Variants in NUP188 observed in about 807,000 individuals in gnomAD.
NUP188 encodes nucleoporin NUP188.
A neutral mutation model predicts 223.0 loss-of-function variants in NUP188; 97 were observed. The observed-to-expected ratio is 0.43, with a 90% CI of 0.37 to 0.51. NUP188 has a LOEUF of 0.51. Ranked by LOEUF, NUP188 falls within the 20% of genes least tolerant of loss-of-function variation. The pLI is 0.00. For synonymous variants in NUP188, 869 were observed against 828.0 expected (o/e 1.05, Z -0.85); for missense variants, 1,947 against 2,175.6 (o/e 0.89, Z 2.09).
rs913820833 is a variant in NUP188, at chr9:129,006,424, G to A, written c.5073+56G>A. 1.9e-5 allele frequency: 30 copies of A among 1,612,524 alleles called. No individual in the cohort carries two copies. In the Admixed American group the frequency reaches 5.0e-4, roughly 27 times the overall value. ...ACCAATAGGGCCAGAGCCCTGTGGGGTCCTGCCTGGCAACCCCCAAGGGTC... is the reference window on the plus strand; with the variant it reads ...ACCAATAGGGCCAGAGCCCTGTGGGATCCTGCCTGGCAACCCCCAAGGGTC... On this transcript the variant is annotated intron_variant, in intron 43 of 43. Coordinates refer to ENST00000372577, the MANE Select transcript of NUP188 (RefSeq NM_015354.3).
Position 128,959,148 on chromosome 9 carries a change from G to GTGCT in NUP188, c.585+15_585+18dup, listed in dbSNP as rs1306110512. On this transcript the variant is annotated intron_variant, in intron 8 of 43. Coordinates refer to ENST00000372577, the MANE Select transcript of NUP188 (RefSeq NM_015354.3). Reference sequence around the variant, plus strand: ...GGAAATCTCATGGTATGTGGTTACTGTGCTCTCCTGTAACTTTTTTTTTTT... The same window carrying GTGCT: ...GGAAATCTCATGGTATGTGGTTACTGTGCTTGCTCTCCTGTAACTTTTTTTTTTT... The GTGCT allele has an allele frequency of 1.3e-6, 2 of 1,560,690 alleles. No individual in the cohort carries two copies. Among genetic ancestry groups the GTGCT allele is most frequent in the African/African-American group, 2.8e-5 (2 of 72,144 alleles).
At chr9:128,962,877 GATAAA>G (rs1323348313) in intron 8 of NUP188, among the ~76,000 whole-genome samples, 1 of 152,106 alleles carries the variant, frequency 6.6e-6, no homozygotes, top group African/African-American at 2.4e-5. Context: ...TTTAAATTGT[GATAAA>G]ATAGACATAG....
chr9:128,986,418 A>G (rs1842334149), intron 20 of NUP188, 140 bp from the exon 21 acceptor site: 1 of 829,710 alleles, frequency 1.2e-6, no homozygotes, highest in Non-Finnish European at 1.9e-6. Context: ...AGGACTTTTG[A>G]TGTTTCTTTT....
At chr9:128,964,675 T>G (rs1323310745) in intron 8 of NUP188, among the ~76,000 whole-genome samples, 2 of 151,458 alleles carry the variant, frequency 1.3e-5, no homozygotes, top group Non-Finnish European at 2.9e-5. Flanking sequence ...TCCTAGACTG[T>G]ATCTTTCCAA....
At chr9:128,959,896 A>T (rs1841922955) in intron 8 of NUP188, among the ~76,000 whole-genome samples, 1 of 152,108 alleles carries the variant, frequency 6.6e-6, no homozygotes, top group African/African-American at 2.4e-5. Flanking sequence ...TATTGATGAC[A>T]TTAATTAATA....
In NUP188 at chr9:128,987,628, G is replaced by C; in HGVS notation, c.2304G>C (p.Leu768=). The change falls in exon 23 of 44, where the codon CTG becomes CTC. Residue 768 remains leucine, a synonymous_variant. Transcript: ENST00000372577. ...TGCAGTTTCTCTGCATCTGCAGCCT[G>C]GCATACACAGAAGCAGGACAGACAG... ...PSLQFLCICS[L]AYTEAGQTVI... is the part of the protein sequence containing the mutation. 1.2e-6 allele frequency: 2 copies of C among 1,613,904 alleles called. No homozygotes were observed. Among genetic ancestry groups the C allele is most frequent in the South Asian group, 2.2e-5 (2 of 91,024 alleles).
rs1274421484 is a variant in NUP188 at position 129,006,903 on chromosome 9, A to T, written c.*225A>T. On this transcript the variant is annotated 3_prime_UTR_variant, in exon 44 of 44. Coordinates refer to ENST00000372577, the MANE Select transcript of NUP188 (RefSeq NM_015354.3). ...CCGAGTCTTCTGTGCTCAGGTCCTC[A>T]CGCTGCAGACGCCCCCTAGAGGAAC... 4.6e-6 allele frequency: 2 copies of T among 430,452 alleles called. No homozygotes were observed. The highest frequency in any genetic ancestry group is 8.2e-6 in the Non-Finnish European group (2 of 244,168). The allele number at this position is 430,452 out of a possible 1,614,324, so 26.7% of individuals were successfully genotyped here.
intron 43 of NUP188, 40 bp downstream of exon 43, chr9:129,006,408 G>T: frequency 6.2e-7 from 1 of 1,613,986 alleles, no homozygotes; most frequent in Non-Finnish European, 8.5e-7. Context: ...GACCAATAGG[G>T]CCAGAGCCCT....
Position 128,993,597 on chromosome 9 carries a change from T to C in NUP188, c.2920T>C (p.Tyr974His). The C allele has an allele frequency of 1.2e-6, 2 of 1,614,200 alleles. No homozygotes were observed. The highest frequency in any genetic ancestry group is 8.5e-7 in the Non-Finnish European group (1 of 1,180,022). The change falls in exon 27 of 44, where the codon TAC (tyrosine) becomes CAC (histidine). Residue 974 changes from tyrosine to histidine, a missense_variant. This residue lies in a region of NUP188 where 905 missense variants were observed against 990.6 expected (regional missense o/e 0.91). Transcript: ENST00000372577. ...GATTGATTCCCAACAGCAAGATCGATACTGGTGCCCACCCCTGCTGCATCG... is the reference window on the plus strand; with the variant it reads ...GATTGATTCCCAACAGCAAGATCGACACTGGTGCCCACCCCTGCTGCATCG... Reference protein sequence around the residue: ...ELIDSQQQDRYWCPPLLHRAA... With the variant: ...ELIDSQQQDRHWCPPLLHRAA...
intron 34 of NUP188, 133 bp from the exon 35 acceptor site, chr9:129,001,396 T>C: frequency 1.4e-6 from 1 of 721,292 alleles, no homozygotes; most frequent in Non-Finnish European, 2.4e-6. Context: ...GAGTGTGCAT[T>C]CTGTGTTACT....
intron 12 of NUP188, among the ~76,000 whole-genome samples, chr9:128,977,356 T>C (rs1420044472): frequency 2.0e-5 from 3 of 151,952 alleles, no homozygotes; most frequent in Non-Finnish European, 2.9e-5. Context: ...CCTGACCTTG[T>C]GATCTGCCTG....
intron 1 of NUP188, 118 bp from the exon 2 acceptor site, chr9:128,949,071 A>T (rs1841737608): frequency 5.9e-6 from 4 of 673,856 alleles, no homozygotes; most frequent in Non-Finnish European, 1.0e-5. Flanking sequence ...AAATTTAACA[A>T]ATCGTTTTGT....
chr9:128,997,269 T>A (rs896232707), intron 30 of NUP188, among the ~76,000 whole-genome samples: 4 of 152,102 alleles, frequency 2.6e-5, no homozygotes, highest in African/African-American at 9.7e-5. Context: ...AGGGTTGGAC[T>A]AGAGTGAGCA....
intron 3 of NUP188, among the ~76,000 whole-genome samples, chr9:128,955,693 G>A (rs893970287): frequency 4.0e-5 from 6 of 151,084 alleles, no homozygotes; most frequent in African/African-American, 1.5e-4. Flanking sequence ...GGTTTCTTAA[G>A]CCCTTTTGTA....
Position 128,998,219 on chromosome 9 carries a change from C to T in NUP188, c.3420C>T (p.Thr1140=). ...RQLFLDVLDG[T]KALLLVPASV... Reference sequence around the variant, plus strand: ...TCTTTCTTGACGTGCTTGATGGAACCAAAGCATTAGTAAGTGTGTCTGGGA... The same window carrying T: ...TCTTTCTTGACGTGCTTGATGGAACTAAAGCATTAGTAAGTGTGTCTGGGA... Residue 1140 remains threonine, a synonymous_variant, in exon 31 of 44, where the codon ACC becomes ACT. Transcript: ENST00000372577. 6.2e-7 allele frequency: 1 copy of T among 1,612,634 alleles called. No individual in the cohort carries two copies. The highest frequency in any genetic ancestry group is 1.7e-4 in the Middle Eastern group (1 of 6,054).
At chr9:129,003,200 CT>C (rs757789603) in intron 37 of NUP188, 116 bp from the exon 38 acceptor site, 18 of 1,325,720 alleles carry the variant, frequency 1.4e-5, no homozygotes, top group Non-Finnish European at 1.8e-5. Context: ...TAAGCCATTT[CT>C]TTGCCAACTC....
chr9:128,999,411 C>G, intron 33 of NUP188, 94 bp downstream of exon 33: 1 of 1,484,232 alleles, frequency 6.7e-7, no homozygotes, highest in Non-Finnish European at 9.1e-7. Context: ...CCACACATTT[C>G]TTCTGGGACT....
Position 128,952,837 on chromosome 9 carries a change from A to C in NUP188, c.152A>C (p.Lys51Thr). The C allele has an allele frequency of 6.2e-7, 1 of 1,613,484 alleles. No individual in the cohort carries two copies. Among genetic ancestry groups the C allele is most frequent in the South Asian group, 1.1e-5 (1 of 91,074 alleles). ...TTGTTAGAGGGGCTTTCTTACTACA[A>C]ACCTCCCAGGTATGGCAGTTCCGGG... ...RRLLEGLSYYKPPSPSSAEKV... is the reference protein window; with the variant it reads ...RRLLEGLSYYTPPSPSSAEKV... Residue 51 changes from lysine (K) to threonine (T), a missense_variant, in exon 3 of 44, where the codon AAA (lysine) becomes ACA (threonine). Around this residue, in one of 3 missense-constraint regions of NUP188, gnomAD observed 817 missense variants for 865.8 expected, o/e 0.94. Coordinates refer to ENST00000372577, the MANE Select transcript of NUP188 (RefSeq NM_015354.3).
chr9:128,952,645 C>A, intron 2 of NUP188, 128 bp from the exon 3 acceptor site: 1 of 627,508 alleles, frequency 1.6e-6, no homozygotes, highest in Non-Finnish European at 2.8e-6. Context: ...ATCACTTGAA[C>A]CTGGGAGGCG....
Sources: allele counts gnomAD v4.1 joint callset (sites outside exome capture counted in the v4.1 genomes callset), GRCh38; gene constraint gnomAD v4.1.1; regional missense constraint gnomAD v4.1.1; transcripts MANE v1.5; gene names NCBI Gene and HGNC (gene_info 2026-07-23, HGNC 2026-07-21).